The following LPP variants were observed in gnomAD, a reference collection of about 807,000 sequenced individuals.
The protein encoded by LPP is lipoma-preferred partner.
In LPP, 38 loss-of-function variants were observed where a neutral mutation model predicts 60.4. The ratio of observed to expected loss-of-function variants is 0.63; its 90% CI spans 0.49 to 0.83. The LOEUF (loss-of-function observed/expected upper bound fraction) is 0.83, where lower values mean the gene tolerates loss of function less well. LPP is among the 40% of genes least tolerant of loss of function. The pLI, the probability that LPP is intolerant of heterozygous loss-of-function variation, is 0.00. For synonymous variants in LPP, 328 were observed against 290.8 expected (o/e 1.13, Z -1.30); for missense variants, 902 against 783.6 (o/e 1.15, Z -1.80).
intron 6 of LPP, among the ~76,000 whole-genome samples, chr3:188,561,958 A>T (rs1830782381): frequency 6.6e-6 from 1 of 151,938 alleles, no homozygotes; most frequent in East Asian, 1.9e-4. Context: ...CAGCGCATGG[A>T]CTTGTGAGCA....
At chr3:188,229,819 G>A (rs117882395) in intron 2 of LPP, among the ~76,000 whole-genome samples, 6 of 152,304 alleles carry the variant, frequency 3.9e-5, no homozygotes, top group East Asian at 1.9e-4. Flanking sequence ...TAGGGGATCC[G>A]AATTCTCAGG....
chr3:188,614,015 C>T (rs540611080), intron 7 of LPP, among the ~76,000 whole-genome samples: 28 of 151,736 alleles, frequency 1.8e-4, no homozygotes, highest in Admixed American at 3.9e-4. Flanking sequence ...GCAACCTCCA[C>T]CTCCCGGGTT....
intron 4 of LPP, among the ~76,000 whole-genome samples, chr3:188,484,102 G>T (rs561060589): frequency 7.9e-5 from 12 of 152,158 alleles, no homozygotes; most frequent in Admixed American, 7.2e-4. Context: ...ACCAAGGATG[G>T]ACGTACCTTC....
intron 2 of LPP, among the ~76,000 whole-genome samples, chr3:188,326,787 TATATATCATGGAG>T (rs547014869): frequency 1.1e-3 from 163 of 152,304 alleles, no homozygotes; most frequent in Admixed American, 1.4e-3. Context: ...AATTTAAAAT[TATATATCATGGAG>T]ATCCTCCCCT....
rs1250416222 is a variant in LPP, at chr3:188,609,863, TAAG to T, written c.1113+20_1113+22del. 11 of 1,594,508 alleles carry T rather than the reference TAAG, an allele frequency of 6.9e-6. No individual in the cohort carries two copies. Among genetic ancestry groups the T allele is most frequent in the Non-Finnish European group, 9.4e-6 (11 of 1,171,336 alleles). Reference sequence around the variant, plus strand: ...GCCAAAGGTAAGAAACTCAGTAACATAAGGAGGAGAATACAGGGGTGCCTATCT... The same window carrying T: ...GCCAAAGGTAAGAAACTCAGTAACATGAGGAGAATACAGGGGTGCCTATCT... On this transcript the variant is annotated intron_variant, in intron 7 of 11. Transcript: ENST00000617246. This position sits in a 1 kb window ranked among gnomAD's most constrained non-coding sequence, Gnocchi z 6.9.
rs1799354977 is a variant in LPP at position 188,462,587 on chromosome 3, CATGTGTGTGTGTGTGTGTGT to C, written c.194-22004_194-21985del. Among the ~76,000 whole-genome samples the C allele has an allele frequency of 9.3e-5, 4 of 43,160 alleles. 1 individual carries two copies. Among genetic ancestry groups the C allele is most frequent in the Non-Finnish European group, 1.7e-4 (4 of 23,724 alleles). 28.3% of individuals were successfully genotyped at this position (43,160 alleles called of 152,430 possible). On this transcript the variant is annotated intron_variant, in intron 4 of 11. Coordinates refer to ENST00000617246, the MANE Select transcript of LPP (RefSeq NM_001375462.1). ...ATATATATATATATATATATATATG[CATGTGTGTGTGTGTGTGTGT>C]GTGTGTGTGTGTGTGTGTGTGTGTG...
chr3:188,838,194 T>C (rs1004049173), intron 9 of LPP, among the ~76,000 whole-genome samples: 2 of 152,224 alleles, frequency 1.3e-5, no homozygotes, highest in East Asian at 1.9e-4. Flanking sequence ...TTTCTGTTAT[T>C]ACAATAAATG....
intron 3 of LPP, among the ~76,000 whole-genome samples, chr3:188,341,962 A>G (rs2150671311): frequency 6.6e-6 from 1 of 152,330 alleles, no homozygotes; most frequent in Non-Finnish European, 1.5e-5. Context: ...TCTGGGCCAC[A>G]CAGACGATTC....
At chr3:188,822,193 A>G (rs1754162036) in intron 9 of LPP, among the ~76,000 whole-genome samples, 1 of 152,158 alleles carries the variant, frequency 6.6e-6, no homozygotes, top group Admixed American at 6.5e-5. Flanking sequence ...TACAGGAAGA[A>G]CAGGGAGGTC....
chr3:188,359,379 G>A (rs765218388), intron 3 of LPP, among the ~76,000 whole-genome samples: 30 of 152,154 alleles, frequency 2.0e-4, no homozygotes, highest in Non-Finnish European at 4.0e-4. Context: ...ATGTGCATAC[G>A]GGTGAGAGTT....
chr3:188,841,170 G>T (rs1012530552), intron 9 of LPP, among the ~76,000 whole-genome samples: 1 of 152,098 alleles, frequency 6.6e-6, no homozygotes, highest in African/African-American at 2.4e-5. Flanking sequence ...CATCAGCCAC[G>T]TGGAAGACCC....
intron 2 of LPP, among the ~76,000 whole-genome samples, chr3:188,255,035 A>G (rs886925024): frequency 6.6e-6 from 1 of 152,196 alleles, no homozygotes; most frequent in African/African-American, 2.4e-5. Context: ...TACTCCTGCC[A>G]TGGCTTCTTG....
At chr3:188,870,816 T>C (rs1767922513) in intron 10 of LPP, among the ~76,000 whole-genome samples, 1 of 152,190 alleles carries the variant, frequency 6.6e-6, no homozygotes, top group Non-Finnish European at 1.5e-5. Flanking sequence ...TTTTTCTCAT[T>C]ATGGAAATGA....
chr3:188,288,817 C>CAA (rs56085999), intron 2 of LPP, among the ~76,000 whole-genome samples: 2 of 93,028 alleles, frequency 2.1e-5, no homozygotes, highest in African/African-American at 4.7e-5. Context: ...CTCCACCCCC[C>CAA]ACCCCCCACC....
In LPP at chr3:188,372,406, A is replaced by G. The variant is rs181428104; in HGVS notation, c.-10+30687A>G. Among the ~76,000 whole-genome samples the G allele has an allele frequency of 1.3e-3, 204 of 152,332 alleles. 1 individual carries two copies. The highest frequency in any genetic ancestry group is 4.6e-3 in the African/African-American group (193 of 41,588). ...GAAAAACACTTCATGTCACTGTTAA[A>G]TAACATGAAAATAAACAACTGGTTA... On this transcript the variant is annotated intron_variant, in intron 3 of 11. Transcript: ENST00000617246.
At chr3:188,537,926 C>A (rs576235573) in intron 6 of LPP, among the ~76,000 whole-genome samples, 1 of 152,112 alleles carries the variant, frequency 6.6e-6, no homozygotes, top group South Asian at 2.1e-4. Context: ...ATTGAGAGTC[C>A]AGAAATAAAC....
At position 188,881,328 on chromosome 3, in the gene LPP, T is replaced by C. The variant is rs999593489; in HGVS notation, c.*6849T>C. 3 of 194,180 alleles carry C rather than the reference T, an allele frequency of 1.5e-5. No individual in the cohort carries two copies. Among genetic ancestry groups the C allele is most frequent in the Non-Finnish European group, 3.2e-5 (3 of 92,810 alleles). The allele number at this position is 194,180 out of a possible 1,614,324, so 12.0% of individuals were successfully genotyped here. A position where few individuals can be genotyped will look rare whatever the true frequency, so the allele number is the denominator to read the frequency against. On this transcript the variant is annotated 3_prime_UTR_variant, in exon 12 of 12. Coordinates refer to ENST00000617246, the MANE Select transcript of LPP (RefSeq NM_001375462.1). ...AAGTCCAAATCTTTGCCTCTTCATGTCTGATATCACCAACTCATTCAGCTT... is the reference window on the plus strand; with the variant it reads ...AAGTCCAAATCTTTGCCTCTTCATGCCTGATATCACCAACTCATTCAGCTT...
intron 5 of LPP, among the ~76,000 whole-genome samples, chr3:188,486,749 T>C (rs1579279456): frequency 6.6e-6 from 1 of 152,336 alleles, no homozygotes; most frequent in South Asian, 2.1e-4. Context: ...CATGAATTTC[T>C]TGCATTTTAT....
chr3:188,292,650 G>A (rs1031254045), intron 2 of LPP, among the ~76,000 whole-genome samples: 4 of 152,140 alleles, frequency 2.6e-5, no homozygotes, highest in Middle Eastern at 3.2e-3. Flanking sequence ...TGTATTATTA[G>A]CATCATGTAC....
Sources: gnomAD v4.1 joint callset for allele counts (sites outside exome capture counted in the v4.1 genomes callset) on GRCh38, gnomAD v4.1.1 for gene constraint, Gnocchi (gnomAD v3.1) non-coding constraint, MANE v1.5 for transcripts, NCBI Gene and HGNC (gene_info 2026-07-23, HGNC 2026-07-21) for gene names.